Variants in CREB5 observed in about 807,000 individuals in gnomAD.
The protein encoded by CREB5 is cyclic AMP-responsive element-binding protein 5.
CREB5 carries 19 observed loss-of-function variants against 57.1 expected under a neutral mutation model. That is an observed-to-expected ratio of 0.33 (90% CI 0.23 to 0.49). CREB5 has a LOEUF of 0.49. Among genes scored for constraint, CREB5 ranks in the 20% least tolerant of loss-of-function variants. The pLI, the probability that CREB5 is intolerant of heterozygous loss-of-function variation, is 0.99. For synonymous variants in CREB5, 238 were observed against 238.3 expected (o/e 1.00, Z 0.01); for missense variants, 579 against 671.6 (o/e 0.86, Z 1.52).
intron 7 of CREB5, among the ~76,000 whole-genome samples, chr7:28,744,861 G>A (rs888744033): frequency 6.6e-6 from 1 of 152,172 alleles, no homozygotes; most frequent in African/African-American, 2.4e-5. Context: ...ATCAAATCTC[G>A]AATTCCAGTG....
intron 1 of CREB5, among the ~76,000 whole-genome samples, chr7:28,333,234 T>A (rs1167942271): frequency 6.6e-6 from 1 of 152,218 alleles, no homozygotes; most frequent in Non-Finnish European, 1.5e-5. Flanking sequence ...TATATTTTGT[T>A]TAGCCTGTTG....
At chr7:28,405,691 A>T (rs1451261121) in intron 1 of CREB5, among the ~76,000 whole-genome samples, 1 of 152,190 alleles carries the variant, frequency 6.6e-6, no homozygotes, top group Non-Finnish European at 1.5e-5. Flanking sequence ...AGCTGTGGTT[A>T]CAGGTGTGAG....
At chr7:28,740,068 TG>T (rs1362375568) in intron 7 of CREB5, among the ~76,000 whole-genome samples, 1 of 151,902 alleles carries the variant, frequency 6.6e-6, no homozygotes, top group Admixed American at 6.6e-5. Context: ...AAAAAAGGAA[TG>T]GGGGTGGGGG....
At chr7:28,481,449 AC>A (rs1485427607) in intron 1 of CREB5, among the ~76,000 whole-genome samples, 1 of 152,190 alleles carries the variant, frequency 6.6e-6, no homozygotes, top group East Asian at 1.9e-4. Context: ...GCCCAGGAAC[AC>A]ACCCTCTTCA....
At chr7:28,488,700 T>C (rs1791675060) in intron 2 of CREB5, among the ~76,000 whole-genome samples, 1 of 152,218 alleles carries the variant, frequency 6.6e-6, no homozygotes. Flanking sequence ...AACCCCAAAC[T>C]CCCTATAACT....
chr7:28,580,363 G>A (rs1230231415), intron 5 of CREB5, among the ~76,000 whole-genome samples: 1 of 147,618 alleles, frequency 6.8e-6, no homozygotes, highest in Non-Finnish European at 1.5e-5. Context: ...AGGAAAATGA[G>A]GGGTGTCTGT....
intron 7 of CREB5, among the ~76,000 whole-genome samples, chr7:28,734,972 A>G (rs989636007): frequency 1.3e-5 from 2 of 152,176 alleles, no homozygotes; most frequent in African/African-American, 4.8e-5. Flanking sequence ...GGGAACTAGT[A>G]ATAGAGCAAA....
chr7:28,806,257 C>A (rs1808726896), intron 8 of CREB5, among the ~76,000 whole-genome samples: 1 of 152,122 alleles, frequency 6.6e-6, no homozygotes, highest in African/African-American at 2.4e-5. Flanking sequence ...TTATAATTAG[C>A]TTTATGAACA....
intron 4 of CREB5, among the ~76,000 whole-genome samples, chr7:28,516,373 AAC>A (rs1166357350): frequency 6.6e-6 from 1 of 152,200 alleles, no homozygotes; most frequent in Non-Finnish European, 1.5e-5. Flanking sequence ...AAATTTTATA[AAC>A]ACAGCCTCAT....
In CREB5 at chr7:28,691,169, C is replaced by T. The variant is rs181865896; in HGVS notation, c.465-27584C>T. On this transcript the variant is annotated intron_variant, in intron 5 of 10. Coordinates refer to ENST00000357727, the MANE Select transcript of CREB5 (RefSeq NM_182898.4). ...GCGTGGTGACTTGTGCCTGTAATCC[C>T]AGCACTTTGGGAGGCCAAGGCAGAT... Among the ~76,000 whole-genome samples the T allele has an allele frequency of 1.6e-3, 249 of 152,246 alleles. 1 individual carries two copies. The highest frequency in any genetic ancestry group is 5.7e-3 in the African/African-American group (235 of 41,542).
At chr7:28,776,541 T>C (rs1806656208) in intron 7 of CREB5, among the ~76,000 whole-genome samples, 1 of 152,218 alleles carries the variant, frequency 6.6e-6, no homozygotes, top group African/African-American at 2.4e-5. Context: ...TTCTTTAAAC[T>C]GAGCTCTAAT....
At chr7:28,504,820 A>G (rs1792414128) in intron 3 of CREB5, among the ~76,000 whole-genome samples, 1 of 152,142 alleles carries the variant, frequency 6.6e-6, no homozygotes, top group African/African-American at 2.4e-5. Flanking sequence ...TTTCTTTGAC[A>G]AGAAAGATTG....
chr7:28,560,758 A>G (rs371435474), intron 4 of CREB5, among the ~76,000 whole-genome samples: 1 of 152,018 alleles, frequency 6.6e-6, no homozygotes, highest in African/African-American at 2.4e-5. Flanking sequence ...AGAACATGGT[A>G]TAATTGGCTC....
At position 28,462,098 on chromosome 7, in the gene CREB5, A is replaced by G. The variant is rs922126559; in HGVS notation, c.4-26077A>G. 5.9e-5 allele frequency among the ~76,000 whole-genome samples: 9 copies of G among 152,090 alleles called. 1 individual carries two copies. Among genetic ancestry groups the G allele is most frequent in the Non-Finnish European group, 1.3e-4 (9 of 68,016 alleles). Reference sequence around the variant, plus strand: ...TATTTTCCCCTCATAGCCCCCGGTAACCATTAATCTACTTTCTGTCTGTTT... The same window carrying G: ...TATTTTCCCCTCATAGCCCCCGGTAGCCATTAATCTACTTTCTGTCTGTTT... On this transcript the variant is annotated intron_variant, in intron 1 of 10. Transcript: ENST00000357727.
intron 7 of CREB5, among the ~76,000 whole-genome samples, chr7:28,802,105 A>AAAAT (rs55754461): frequency 6.8e-6 from 1 of 147,180 alleles, no homozygotes; most frequent in East Asian, 2.0e-4. Flanking sequence ...AAAAAAAAAA[A>AAAAT]GGAGGAAACA....
chr7:28,520,374 G>C (rs1008541884), intron 4 of CREB5, among the ~76,000 whole-genome samples: 1 of 152,114 alleles, frequency 6.6e-6, no homozygotes, highest in Non-Finnish European at 1.5e-5. Context: ...TAGCCAGTTG[G>C]GGCATGAGGT....
chr7:28,581,524 A>G (rs1265306834), intron 5 of CREB5, among the ~76,000 whole-genome samples: 1 of 152,218 alleles, frequency 6.6e-6, no homozygotes, highest in Non-Finnish European at 1.5e-5. Flanking sequence ...GGGTGCTTAA[A>G]GAGAATCACA....
At chr7:28,758,447 C>A (rs921044465) in intron 7 of CREB5, among the ~76,000 whole-genome samples, 1 of 152,108 alleles carries the variant, frequency 6.6e-6, no homozygotes, top group Non-Finnish European at 1.5e-5. Context: ...AGTGTGAGGG[C>A]TGGTATGTGA....
chr7:28,749,262 C>A (rs1183552713), intron 7 of CREB5: 1 of 152,226 alleles, frequency 6.6e-6, no homozygotes, highest in Non-Finnish European at 1.5e-5. Flanking sequence ...ATACAAGTCT[C>A]CAGGCCAGTG....
Sources: gnomAD v4.1 joint callset for allele counts (sites outside exome capture counted in the v4.1 genomes callset) on GRCh38, gnomAD v4.1.1 for gene constraint, MANE v1.5 for transcripts, NCBI Gene and HGNC (gene_info 2026-07-23, HGNC 2026-07-21) for gene names.